Variants in DPF3 observed in about 807,000 individuals in gnomAD.
DPF3 encodes the protein zinc finger protein DPF3.
Under a neutral mutation model 56.8 loss-of-function variants are expected in DPF3, and 18 were observed. The observed-to-expected ratio is 0.32, with a 90% CI of 0.22 to 0.47. The LOEUF (loss-of-function observed/expected upper bound fraction) is 0.47, where lower values mean the gene tolerates loss of function less well. Ranked by LOEUF, DPF3 falls within the 20% of genes least tolerant of loss-of-function variation. The pLI is 1.00. For synonymous variants in DPF3, 188 were observed against 180.2 expected (o/e 1.04, Z -0.35); for missense variants, 403 against 488.8 (o/e 0.82, Z 1.65).
chr14:72,667,304 G>A (rs930455417), intron 8 of DPF3, among the ~76,000 whole-genome samples: 1 of 152,078 alleles, frequency 6.6e-6, no homozygotes, highest in African/African-American at 2.4e-5. Context: ...ATTGTTCTAG[G>A]TAGGGAAAAA....
At chr14:72,641,737 T>C (rs1885571255) in intron 8 of DPF3, among the ~76,000 whole-genome samples, 2 of 152,224 alleles carry the variant, frequency 1.3e-5, no homozygotes, top group Non-Finnish European at 2.9e-5. Context: ...CACAAATTCC[T>C]TGGTCCTCCT....
chr14:72,629,627 A>G lies in DPF3; in HGVS notation c.981T>C (p.Asn327=). 2 of 1,535,662 alleles carry G rather than the reference A, an allele frequency of 1.3e-6. No individual in the cohort carries two copies. The highest frequency in any genetic ancestry group is 1.7e-6 in the Non-Finnish European group (2 of 1,146,532). ...KSCILCGTSE[N]DDQLLFCDDC... is the part of the protein sequence containing the mutation. ...ACAGGGAAAGCCCCAAACTCACATC[A>G]TTCTCTGAGGTCCCACAGAGGATAC... The change falls in exon 9 of 11, where the codon AAT becomes AAC. Residue 327 remains asparagine, a synonymous_variant. Transcript: ENST00000556509.
intron 1 of DPF3, among the ~76,000 whole-genome samples, chr14:72,801,077 G>C (rs1355904075): frequency 6.6e-6 from 1 of 152,214 alleles, no homozygotes; most frequent in African/African-American, 2.4e-5. Flanking sequence ...CAATAGTGCA[G>C]TACAAAGAGA....
chr14:72,788,177 C>T (rs1892287705), intron 1 of DPF3, among the ~76,000 whole-genome samples: 1 of 152,196 alleles, frequency 6.6e-6, no homozygotes, highest in Admixed American at 6.5e-5. Flanking sequence ...AAGCTCAAGC[C>T]CTCCTTCTGT....
chr14:72,842,934 A>G (rs1006475246), intron 1 of DPF3, among the ~76,000 whole-genome samples: 20 of 152,148 alleles, frequency 1.3e-4, no homozygotes, highest in Admixed American at 2.6e-4. Context: ...GAGGCAAGAG[A>G]ATCACTTGAA....
At chr14:72,771,178 A>T (rs1293555805) in intron 2 of DPF3, among the ~76,000 whole-genome samples, 1 of 152,116 alleles carries the variant, frequency 6.6e-6, no homozygotes, top group East Asian at 1.9e-4. Context: ...AAAAAAAAAA[A>T]ATAACAATAA....
At chr14:72,729,521 A>G (rs913982655) in intron 4 of DPF3, among the ~76,000 whole-genome samples, 3 of 152,210 alleles carry the variant, frequency 2.0e-5, no homozygotes, top group East Asian at 3.8e-4. Context: ...CACAGAAATG[A>G]TAAGAATAGA....
At chr14:72,796,680 A>G (rs1361409908) in intron 1 of DPF3, among the ~76,000 whole-genome samples, 3 of 152,152 alleles carry the variant, frequency 2.0e-5, no homozygotes, top group Admixed American at 6.5e-5. Flanking sequence ...TAACAACTCT[A>G]TGAGGTGCTG....
chr14:72,646,953 A>G (rs1329577294), intron 8 of DPF3, among the ~76,000 whole-genome samples: 1 of 152,194 alleles, frequency 6.6e-6, no homozygotes, highest in Non-Finnish European at 1.5e-5. Context: ...TCAGATGCAG[A>G]TGGCCCTGGA....
At chr14:72,824,807 G>A (rs12431959) in intron 1 of DPF3, among the ~76,000 whole-genome samples, 12,820 of 151,944 alleles carry the variant, frequency 0.084, 736 homozygotes, top group South Asian at 0.18. Context: ...CCCGAGCTCA[G>A]GTGATCCGCC....
rs1195362003 is a variant in DPF3, at chr14:72,609,913, T to G, written c.*9384A>C. 6.6e-6 allele frequency among the ~76,000 whole-genome samples: 1 copy of G among 152,240 alleles called. No individual in the cohort carries two copies. The highest frequency in any genetic ancestry group is 1.5e-5 in the Non-Finnish European group (1 of 68,044). ...AAGCAGCCCAAGGCAAAACCTCATCTGCAAGAGGCAATGCGGCGTTGGGTC... is the reference window on the plus strand; with the variant it reads ...AAGCAGCCCAAGGCAAAACCTCATCGGCAAGAGGCAATGCGGCGTTGGGTC... On this transcript the variant is annotated 3_prime_UTR_variant, in exon 11 of 11. Coordinates refer to ENST00000556509, the MANE Select transcript of DPF3 (RefSeq NM_001280542.3).
chr14:72,663,516 T>C (rs1298948746), intron 8 of DPF3, among the ~76,000 whole-genome samples: 1 of 152,226 alleles, frequency 6.6e-6, no homozygotes, highest in Non-Finnish European at 1.5e-5. Flanking sequence ...CCTTGGAACC[T>C]GGTGGTGGTT....
intron 1 of DPF3, among the ~76,000 whole-genome samples, chr14:72,834,610 CCA>C (rs1412220735): frequency 1.3e-5 from 2 of 151,924 alleles, no homozygotes; most frequent in Non-Finnish European, 1.5e-5. Flanking sequence ...ACACAAAATG[CCA>C]CAGTCACTGT....
chr14:72,880,051 C>T, intron 1 of DPF3: 1 of 1,250,652 alleles, frequency 8.0e-7, no homozygotes, highest in Non-Finnish European at 1.1e-6. Context: ...CTGTCTCCTG[C>T]ATATGGCTCA....
At chr14:72,637,496 G>A (rs1885419024) in intron 8 of DPF3, among the ~76,000 whole-genome samples, 1 of 152,144 alleles carries the variant, frequency 6.6e-6, no homozygotes, top group Non-Finnish European at 1.5e-5. Context: ...ATATAAATAT[G>A]GCAGGCACTC....
At position 72,732,746 on chromosome 14, in the gene DPF3, C is replaced by G. The variant is rs376795989; in HGVS notation, c.302-812G>C. 5.3e-5 allele frequency among the ~76,000 whole-genome samples: 8 copies of G among 152,202 alleles called. No individual in the cohort carries two copies. The East Asian group carries it at 9.6e-4, about 18-fold the overall frequency. ...GCCCAGAAGAGACACCAGAGAGAAG[C>G]TGAACCCCTTCCTCCAGGTGTCCCA... is the stretch of plus-strand genomic sequence containing the variant. On this transcript the variant is annotated intron_variant, in intron 3 of 10. Transcript: ENST00000556509.
At chr14:72,781,536 T>C (rs781721674) in intron 1 of DPF3, among the ~76,000 whole-genome samples, 11 of 152,222 alleles carry the variant, frequency 7.2e-5, no homozygotes, top group Non-Finnish European at 1.5e-4. Context: ...CAGGGACTTA[T>C]TATGCAAAGC....
chr14:72,872,869 A>G (rs917281566), intron 1 of DPF3, among the ~76,000 whole-genome samples: 55 of 152,252 alleles, frequency 3.6e-4, no homozygotes, highest in Non-Finnish European at 6.9e-4. Context: ...GGCTAGCCAT[A>G]TGGAGAAAAA....
chr14:72,670,659 C>T (rs1035891467), intron 8 of DPF3: 4 of 989,640 alleles, frequency 4.0e-6, no homozygotes, highest in African/African-American at 3.5e-5. Context: ...CTCTCTCTCT[C>T]GCAAAAAAAG....
Sources: allele counts gnomAD v4.1 joint callset (sites outside exome capture counted in the v4.1 genomes callset), GRCh38; gene constraint gnomAD v4.1.1; transcripts MANE v1.5; gene names NCBI Gene and HGNC (gene_info 2026-07-23, HGNC 2026-07-21).